AKR7A2: variants seen among roughly 807,000 people sequenced by gnomAD.
AKR7A2 encodes aldo-keto reductase family 7 member A2.
Under a neutral mutation model 37.3 loss-of-function variants are expected in AKR7A2, and 29 were observed. That is an observed-to-expected ratio of 0.78 (90% CI 0.58 to 1.06). The LOEUF (loss-of-function observed/expected upper bound fraction) is 1.06, where lower values mean the gene tolerates loss of function less well. Ranked by LOEUF, AKR7A2 falls within the 50% of genes least tolerant of loss-of-function variation. The pLI is 0.00. For missense variants in AKR7A2, 529 were observed against 497.9 expected, an observed-to-expected ratio of 1.06 and a Z score of -0.59; for synonymous variants, 228 against 217.8, an observed-to-expected ratio of 1.05 and a Z score of -0.41.
downstream of AKR7A2, among the ~76,000 whole-genome samples, chr1:19,303,652 G>T (rs1238414531): frequency 6.6e-6 from 1 of 152,220 alleles, no homozygotes; most frequent in African/African-American, 2.4e-5. Context: ...CTTCTTGGTA[G>T]TGACTCTAAT....
At chr1:19,306,944 A>G in intron 5 of AKR7A2, 58 bp downstream of exon 5, 1 of 1,483,978 alleles carries the variant, frequency 6.7e-7, no homozygotes, top group Non-Finnish European at 9.4e-7. Context: ...CCAGGACTTC[A>G]TTCCACATAG....
At position 19,308,171 on chromosome 1, in the gene AKR7A2, G is replaced by T; in HGVS notation, c.578C>A (p.Pro193His). ...TLCKSNGWIL[P>H]TVYQGMYNAT... ...CCCGGCCCTCACCTGGTACACAGTG[G>T]GCAGGATCCAGCCATTGCTCTTGCA... The change falls in exon 3 of 7, where the codon CCC becomes CAC. Residue 193 changes from proline (P) to histidine (H), a missense_variant. Pro to His is a moderately conservative substitution (Grantham distance 77). Transcript: ENST00000235835. The T allele has an allele frequency of 1.9e-6, 3 of 1,614,084 alleles. No individual in the cohort carries two copies. The highest frequency in any genetic ancestry group is 2.5e-6 in the Non-Finnish European group (3 of 1,179,948).
At chr1:19,306,245 C>A (rs867650426) in intron 5 of AKR7A2, 98 bp from the exon 6 acceptor site, 2 of 1,547,130 alleles carry the variant, frequency 1.3e-6, no homozygotes, top group Admixed American at 3.4e-5. Flanking sequence ...CCACCCCACA[C>A]CCTGCAGCCC....
downstream of AKR7A2, among the ~76,000 whole-genome samples, chr1:19,303,710 CA>C: frequency 6.6e-6 from 1 of 152,282 alleles, no homozygotes; most frequent in Admixed American, 6.5e-5. Context: ...TGTATTGAGG[CA>C]ACTCTGAATT....
intron 3 of AKR7A2, 117 bp from the exon 4 acceptor site, chr1:19,307,527 C>G: frequency 4.6e-6 from 5 of 1,084,976 alleles, no homozygotes; most frequent in Non-Finnish European, 4.1e-6. Context: ...ATTCTAACAT[C>G]ACTACTGTTA....
intron 1 of AKR7A2, among the ~76,000 whole-genome samples, chr1:19,310,038 T>C (rs1425699715): frequency 1.3e-5 from 2 of 151,236 alleles, no homozygotes; most frequent in East Asian, 3.9e-4. Flanking sequence ...ATTGTGCTAC[T>C]GCACTCCAGC....
intron 3 of AKR7A2, 179 bp downstream of exon 3, chr1:19,307,979 C>T (rs966957616): frequency 5.3e-6 from 4 of 758,288 alleles, no homozygotes; most frequent in Non-Finnish European, 9.1e-6. Context: ...GAAGCAGATG[C>T]CCAGTGGCCA....
rs2093778303 is a variant in AKR7A2 at position 19,312,079 on chromosome 1, A to G, written c.46T>C (p.Cys16Arg). ...SRVVSRAAVH[C>R]ALRSPPPEAR... ...TCGGGCGGCGGAGAGCGAAGCGCGCAGTGGACGGCGGCGCGGGAGACTACG... is the reference window on the plus strand; with the variant it reads ...TCGGGCGGCGGAGAGCGAAGCGCGCGGTGGACGGCGGCGCGGGAGACTACG... The change falls in exon 1 of 7, where the codon TGC becomes CGC. Residue 16 changes from cysteine (C) to arginine (R), a missense_variant. Physicochemically the swap from Cys to Arg is radical, Grantham distance 180. Coordinates refer to ENST00000235835, the MANE Select transcript of AKR7A2 (RefSeq NM_003689.4). 2.2e-6 allele frequency: 3 copies of G among 1,346,788 alleles called. No individual in the cohort carries two copies. In the African/African-American group the frequency reaches 4.7e-5, roughly 21 times the overall value. 83.4% of individuals were successfully genotyped at this position (1,346,788 alleles called of 1,614,324 possible). A position where few individuals can be genotyped will look rare whatever the true frequency, so the allele number is the denominator to read the frequency against.
chr1:19,303,856 T>C (rs558004959), downstream of AKR7A2: 20 of 349,608 alleles, frequency 5.7e-5, no homozygotes, highest in South Asian at 4.5e-4. Context: ...AGTGTGCTTC[T>C]GTGACCCTCC....
rs1294295555 is a variant in AKR7A2 at position 19,304,046 on chromosome 1, A to AC, written c.*178dup. 1 of 1,042,842 alleles carries AC rather than the reference A, an allele frequency of 9.6e-7. No homozygotes were observed. Among genetic ancestry groups the AC allele is most frequent in the African/African-American group, 1.6e-5 (1 of 62,704 alleles). 64.6% of individuals were successfully genotyped at this position (1,042,842 alleles called of 1,614,324 possible). On this transcript the variant is annotated 3_prime_UTR_variant, in exon 7 of 7. Transcript: ENST00000235835. ...AACAGGAAGCGCTCAAGTGGGACTC[A>AC]CCCCCCACCTTTCACAGTGTAAAGT... is the stretch of plus-strand genomic sequence containing the variant.
intron 6 of AKR7A2, 132 bp downstream of exon 6, chr1:19,305,886 A>G: frequency 7.0e-7 from 1 of 1,438,648 alleles, no homozygotes; most frequent in Admixed American, 1.8e-5. Flanking sequence ...ACCAGTGGGA[A>G]GAGTGCTTAT....
intron 1 of AKR7A2, among the ~76,000 whole-genome samples, chr1:19,309,155 C>T (rs1012564679): frequency 1.6e-4 from 25 of 152,216 alleles, no homozygotes; most frequent in Admixed American, 7.9e-4. Context: ...CAAAAAAACA[C>T]TATGTGAGGC....
rs2231197 is a variant in AKR7A2, at chr1:19,308,273, G to A, written c.487-11C>T. 5.3e-4 allele frequency: 853 copies of A among 1,614,194 alleles called. 8 individuals carry two copies. In the African/African-American group the frequency reaches 9.7e-3, roughly 18 times the overall value. On this transcript the variant is annotated splice_polypyrimidine_tract_variant and intron_variant, in intron 2 of 6. Coordinates refer to ENST00000235835, the MANE Select transcript of AKR7A2 (RefSeq NM_003689.4). ...CTCCACGAACTTGCCCTGCATGGGTGAGGCTCCAGTCAGAACGCAGTGTAG... is the reference window on the plus strand; with the variant it reads ...CTCCACGAACTTGCCCTGCATGGGTAAGGCTCCAGTCAGAACGCAGTGTAG...
In AKR7A2 at chr1:19,311,883, T is replaced by C. The variant is rs1558141125; in HGVS notation, c.242A>G (p.Gln81Arg). ...LDTAFMYSDGQSETILGGLGL... is the reference protein window; with the variant it reads ...LDTAFMYSDGRSETILGGLGL... ...CAGGCCGCCCAGGATGGTCTCGGAC[T>C]GGCCGTCGCTGTACATGAAGGCCGT... The change falls in exon 1 of 7, where the codon CAG becomes CGG. Residue 81 changes from glutamine (Q) to arginine (R), a missense_variant. By Grantham distance (43) the Gln-to-Arg change is conservative. Transcript: ENST00000235835. The C allele has an allele frequency of 6.2e-7, 1 of 1,610,768 alleles. No individual in the cohort carries two copies. Among genetic ancestry groups the C allele is most frequent in the East Asian group, 2.2e-5 (1 of 44,864 alleles).
At chr1:19,310,880 C>G (rs1389847894) in intron 1 of AKR7A2, among the ~76,000 whole-genome samples, 1 of 152,112 alleles carries the variant, frequency 6.6e-6, no homozygotes, top group African/African-American at 2.4e-5. Flanking sequence ...AGCCCACGTT[C>G]CCTGGGCCCT....
chr1:19,311,553 G>GCGGGA (rs2093775422), intron 1 of AKR7A2, among the ~76,000 whole-genome samples: 1 of 152,162 alleles, frequency 6.6e-6, no homozygotes, highest in African/African-American at 2.4e-5. Flanking sequence ...TGGAGGCGGG[G>GCGGGA]GCATCAATGG....
intron 1 of AKR7A2, among the ~76,000 whole-genome samples, chr1:19,310,626 C>T (rs751712562): frequency 5.3e-5 from 8 of 152,130 alleles, no homozygotes; most frequent in Admixed American, 2.0e-4. Context: ...GAGCTGAGAT[C>T]GTGCCATTGC....
chr1:19,307,224 CTT>C, intron 4 of AKR7A2, 88 bp downstream of exon 4: 1 of 1,601,246 alleles, frequency 6.2e-7, no homozygotes, highest in East Asian at 2.2e-5. Flanking sequence ...AGCCCAGCCT[CTT>C]GTCAAACCCT....
Position 19,304,369 on chromosome 1 carries a change from C to G in AKR7A2, c.936G>C (p.Ala312=). Residue 312 remains alanine (A), a synonymous_variant, in exon 7 of 7, where the codon GCG becomes GCC. Transcript: ENST00000235835. The stretch of plus-strand genomic sequence containing the variant: ...CCAGGCTGGACATGCCCAGGATGAC[C>G]GCGTCCCCGTGGGCACCCTGCAAGG... The part of the protein sequence containing the change: ...HSQLQGAHGD[A]VILGMSSLEQ... 6.2e-7 allele frequency: 1 copy of G among 1,614,066 alleles called. No homozygotes were observed. Among genetic ancestry groups the G allele is most frequent in the African/African-American group, 1.3e-5 (1 of 75,008 alleles).
Sources: allele counts gnomAD v4.1 joint callset (sites outside exome capture counted in the v4.1 genomes callset), GRCh38; gene constraint gnomAD v4.1.1; transcripts MANE v1.5; gene names NCBI Gene and HGNC (gene_info 2026-07-23, HGNC 2026-07-21).